Variants in DENND4A observed in about 807,000 individuals in gnomAD.
DENND4A encodes C-myc promoter-binding protein.
A neutral mutation model predicts 199.3 loss-of-function variants in DENND4A; 70 were observed. The observed-to-expected ratio is 0.35, with a 90% confidence interval of 0.29 to 0.43. The LOEUF (loss-of-function observed/expected upper bound fraction) is 0.43. Among genes scored for constraint, DENND4A ranks in the 20% least tolerant of loss-of-function variants. The pLI is 1.00. For synonymous variants in DENND4A, 686 were observed against 766.9 expected, an observed-to-expected ratio of 0.89 and a Z score of 1.74; for missense variants, 1,723 against 2,255.8, an observed-to-expected ratio of 0.76 and a Z score of 4.78.
In DENND4A at chr15:65,722,952, A is replaced by C; in HGVS notation, c.1488-4T>G. The C allele has an allele frequency of 6.3e-7, 1 of 1,597,422 alleles. No homozygotes were observed. Among genetic ancestry groups the C allele is most frequent in the Non-Finnish European group, 8.5e-7 (1 of 1,171,494 alleles). On this transcript the variant is annotated splice_polypyrimidine_tract_variant and splice_region_variant and intron_variant, in intron 11 of 32. Transcript: ENST00000443035. The stretch of plus-strand genomic sequence containing the variant: ...TACATTTTTCTTGTCACCAATTCTA[A>C]GATTAAATAACAACAGGAATATATT...
chr15:65,738,439 CTTCT>C (rs1397016505), intron 6 of DENND4A, among the ~76,000 whole-genome samples: 2 of 152,030 alleles, frequency 1.3e-5, no homozygotes, highest in South Asian at 2.1e-4. Flanking sequence ...ACTTTCAAAG[CTTCT>C]TTATCACAGA....
intron 1 of DENND4A, among the ~76,000 whole-genome samples, chr15:65,786,149 A>G (rs1416630540): frequency 2.6e-5 from 4 of 152,230 alleles, no homozygotes; most frequent in African/African-American, 9.6e-5. Context: ...TCATGAGGCA[A>G]TGTTTATAAT....
Position 65,737,841 on chromosome 15 carries a change from A to T in DENND4A, c.906T>A (p.Asp302Glu), listed in dbSNP as rs1400931392. Reference protein sequence around the residue: ...LGLTSADGKSDSSKTIHTNKC... With the variant: ...LGLTSADGKSESSKTIHTNKC... ...TGTTAGTATGAATTGTTTTGGAACT[A>T]TCAGACTTCCCATCTGCTGATGTTA... The change falls in exon 7 of 33, where the codon GAT becomes GAA. Residue 302 changes from aspartate (D) to glutamate (E), a missense_variant. Physicochemically the swap from Asp to Glu is conservative, Grantham distance 45. Transcript: ENST00000443035. The T allele has an allele frequency of 5.6e-6, 9 of 1,603,998 alleles. No homozygotes were observed. The highest frequency in any genetic ancestry group is 7.7e-6 in the Non-Finnish European group (9 of 1,174,778).
chr15:65,690,716 C>T lies in DENND4A; in HGVS notation c.3878G>A (p.Arg1293Lys). The change falls in exon 23 of 33, where the codon AGA (arginine) becomes AAA (lysine). Residue 1293 changes from arginine to lysine, a missense_variant. Around this residue, in one of 6 missense-constraint regions of DENND4A, gnomAD observed 650 missense variants for 738.1 expected, o/e 0.88. Coordinates refer to ENST00000443035, the MANE Select transcript of DENND4A (RefSeq NM_001320835.1). ...AGGAGAATTAGGAGGCAGACTAGAT[C>T]TTCTGCATGCCTTGACCAATGGTGG... Reference protein sequence around the residue: ...KSPPLVKACRRSSLPPNSPKP... With the variant: ...KSPPLVKACRKSSLPPNSPKP... 1 of 1,613,602 alleles carries T rather than the reference C, an allele frequency of 6.2e-7. No individual in the cohort carries two copies. Among genetic ancestry groups the T allele is most frequent in the African/African-American group, 1.3e-5 (1 of 75,032 alleles).
intron 12 of DENND4A, among the ~76,000 whole-genome samples, chr15:65,719,715 C>T (rs965224400): frequency 8.6e-5 from 12 of 139,188 alleles, no homozygotes; most frequent in African/African-American, 3.3e-4. Context: ...ATAGTGAGAT[C>T]CCATCTCTAC....
At chr15:65,663,194 A>ATTTT (rs1416860613) in intron 32 of DENND4A, among the ~76,000 whole-genome samples, 18 of 121,872 alleles carry the variant, frequency 1.5e-4, no homozygotes, top group African/African-American at 5.2e-4. Flanking sequence ...ATATATATAT[A>ATTTT]TATATTTTTT....
At chr15:65,736,289 C>T (rs1391233413) in intron 7 of DENND4A, among the ~76,000 whole-genome samples, 3 of 152,134 alleles carry the variant, frequency 2.0e-5, no homozygotes, top group African/African-American at 7.2e-5. Context: ...GATGGAGTCT[C>T]GCTCTGTCGC....
At chr15:65,722,803 CT>C in intron 12 of DENND4A, 44 bp downstream of exon 12, 3 of 1,423,714 alleles carry the variant, frequency 2.1e-6, no homozygotes, top group Non-Finnish European at 2.8e-6. Context: ...ATTGGAGTCC[CT>C]TTTTCAGATT....
intron 14 of DENND4A, among the ~76,000 whole-genome samples, chr15:65,713,999 G>A (rs1296989438): frequency 6.6e-6 from 1 of 151,976 alleles, no homozygotes; most frequent in Admixed American, 6.6e-5. Context: ...ATTTATTTCT[G>A]TATCTATCAT....
At position 65,691,214 on chromosome 15, in the gene DENND4A, C is replaced by T; in HGVS notation, c.3380G>A (p.Gly1127Glu). ...KSTRPNTLDI[G>E]KPPLRSKRDS... is the part of the protein sequence containing the mutation. ...TCTTTTTGATCTTAAAGGTGGCTTC[C>T]CAATATCAAGAGTATTTGGTCTCGT... Residue 1127 changes from glycine to glutamate, a missense_variant, in exon 23 of 33, where the codon GGG (glycine) becomes GAG (glutamate). Gly to Glu is a moderately conservative substitution (Grantham distance 98). Around this residue, in one of 6 missense-constraint regions of DENND4A, gnomAD observed 650 missense variants for 738.1 expected, o/e 0.88. Coordinates refer to ENST00000443035, the MANE Select transcript of DENND4A (RefSeq NM_001320835.1). The T allele has an allele frequency of 6.2e-7, 1 of 1,613,276 alleles. No individual in the cohort carries two copies. The highest frequency in any genetic ancestry group is 8.5e-7 in the Non-Finnish European group (1 of 1,179,600).
intron 23 of DENND4A, among the ~76,000 whole-genome samples, chr15:65,688,099 T>C (rs1221197393): frequency 6.6e-6 from 1 of 152,106 alleles, no homozygotes; most frequent in African/African-American, 2.4e-5. Flanking sequence ...AAATCTTTTC[T>C]CTCTTCTTCT....
intron 7 of DENND4A, among the ~76,000 whole-genome samples, chr15:65,734,294 T>C (rs1417459353): frequency 6.6e-6 from 1 of 152,254 alleles, no homozygotes; most frequent in African/African-American, 2.4e-5. Context: ...GAGATGTTTA[T>C]GTGTATGCAT....
Position 65,700,686 on chromosome 15 carries a change from C to A in DENND4A, c.2702-11G>T. 1 of 1,522,858 alleles carries A rather than the reference C, an allele frequency of 6.6e-7. No individual in the cohort carries two copies. Among genetic ancestry groups the A allele is most frequent in the Admixed American group, 2.3e-5 (1 of 43,124 alleles). The allele number at this position is 1,522,858 out of a possible 1,614,324, so 94.3% of individuals were successfully genotyped here. ...GGTCACTGCCATCTGCTTAAGAACA[C>A]AATTTGACAGCATTTTACTACTCGA... On this transcript the variant is annotated splice_polypyrimidine_tract_variant and intron_variant, in intron 19 of 32. Transcript: ENST00000443035.
rs1374392612 is a variant in DENND4A, at chr15:65,671,826, C to T, written c.4430G>A (p.Ser1477Asn). ...ATAGTTCTGGAAGATATTTGTATTA[C>T]TCGCGTTGAAGGAAGATGTCACTTC... ...KSEVTSSFNA[S>N]NTNIFQNYAM... Residue 1477 changes from serine (S) to asparagine (N), a missense_variant, in exon 25 of 33, where the codon AGT (serine) becomes AAT (asparagine). This residue lies in a region of DENND4A where 650 missense variants were observed against 738.1 expected (regional missense o/e 0.88). Transcript: ENST00000443035. The T allele has an allele frequency of 4.3e-6, 7 of 1,612,284 alleles. No individual in the cohort carries two copies. The highest frequency in any genetic ancestry group is 5.9e-6 in the Non-Finnish European group (7 of 1,178,466).
At chr15:65,738,085 C>A (rs1250208727) in intron 6 of DENND4A, 140 bp from the exon 7 acceptor site, 2 of 749,734 alleles carry the variant, frequency 2.7e-6, no homozygotes, top group African/African-American at 1.8e-5. Flanking sequence ...AAGAGACACC[C>A]CTCCTGCTTT....
In DENND4A at chr15:65,701,046, C is replaced by G. The variant is rs1415275182; in HGVS notation, c.2701+5G>C. On this transcript the variant is annotated splice_donor_5th_base_variant and intron_variant, in intron 19 of 32. Transcript: ENST00000443035. ...AAGAACAAGTAAAACACATACATCC[C>G]TTACCTGAGAGAGTTGTTTGTGATA... 1 of 1,603,594 alleles carries G rather than the reference C, an allele frequency of 6.2e-7. No homozygotes were observed. The highest frequency in any genetic ancestry group is 2.3e-5 in the East Asian group (1 of 44,302).
intron 19 of DENND4A, among the ~76,000 whole-genome samples, 187 bp from the exon 20 acceptor site, chr15:65,700,862 G>A (rs944210765): frequency 6.6e-6 from 1 of 152,166 alleles, no homozygotes; most frequent in African/African-American, 2.4e-5. Flanking sequence ...CACAAAGGTC[G>A]TCAGAAGTTG....
intron 12 of DENND4A, among the ~76,000 whole-genome samples, chr15:65,722,148 C>T (rs2075666300): frequency 6.6e-6 from 1 of 152,156 alleles, no homozygotes; most frequent in Admixed American, 6.5e-5. Flanking sequence ...TAGTTTACAT[C>T]ATTTGTCTTC....
rs570695890 is a variant in DENND4A at position 65,757,850 on chromosome 15, C to T, written c.-22-1378G>A. On this transcript the variant is annotated intron_variant, in intron 2 of 32. Coordinates refer to ENST00000443035, the MANE Select transcript of DENND4A (RefSeq NM_001320835.1). ...ATACAAAATTAGCCAGGCGTGGTGA[C>T]ACATGCCTGTAATTCCGCTACTTGG... Among the ~76,000 whole-genome samples, 4 of 152,164 alleles carry T rather than the reference C, an allele frequency of 2.6e-5. No individual in the cohort carries two copies. In the East Asian group the frequency reaches 7.7e-4, roughly 29 times the overall value.
Sources: allele counts gnomAD v4.1 joint callset (sites outside exome capture counted in the v4.1 genomes callset), GRCh38; gene constraint gnomAD v4.1.1; regional missense constraint gnomAD v4.1.1; transcripts MANE v1.5; gene names NCBI Gene and HGNC (gene_info 2026-07-23, HGNC 2026-07-21).